Variants in TPH2 observed in about 807,000 individuals in gnomAD.
The protein encoded by TPH2 is tryptophan hydroxylase 2, also known as tryptophan 5-hydroxylase 2.
Under a neutral mutation model 59.1 loss-of-function variants are expected in TPH2, and 27 were observed. The ratio of observed to expected loss-of-function variants is 0.46; its 90% confidence interval spans 0.34 to 0.63. The LOEUF (loss-of-function observed/expected upper bound fraction) is 0.63, where lower values mean the gene tolerates loss of function less well. TPH2 is among the 30% of genes least tolerant of loss of function. The pLI, the probability that TPH2 is intolerant of heterozygous loss-of-function variation, is 0.01. For missense variants in TPH2, 523 were observed against 588.3 expected (o/e 0.89, Z 1.15); for synonymous variants, 220 against 210.5 (o/e 1.05, Z -0.39).
At chr12:72,021,666 A>G (rs4474484) in intron 8 of TPH2, among the ~76,000 whole-genome samples, 80,070 of 151,924 alleles carry the variant, frequency 0.53, 22,411 homozygotes, top group Non-Finnish European at 0.64. Context: ...TGTATTAAAC[A>G]CATTTTCAAC....
At chr12:71,984,295 T>A (rs1257719324) in intron 7 of TPH2, among the ~76,000 whole-genome samples, 3 of 152,142 alleles carry the variant, frequency 2.0e-5, no homozygotes, top group Non-Finnish European at 2.9e-5. Context: ...ATAAGAAAAA[T>A]AAAAGTGAAT....
chr12:72,019,826 A>C (rs879834623), intron 8 of TPH2, among the ~76,000 whole-genome samples: 2 of 152,142 alleles, frequency 1.3e-5, no homozygotes, highest in Non-Finnish European at 2.9e-5. Flanking sequence ...GAGTGGATGG[A>C]TGTCACAGAA....
intron 8 of TPH2, among the ~76,000 whole-genome samples, chr12:72,000,374 TCAGA>T (rs1451214512): frequency 3.3e-5 from 5 of 152,272 alleles, no homozygotes; most frequent in African/African-American, 9.6e-5. Flanking sequence ...AAATAGGAAG[TCAGA>T]CAAAGATTAT....
intron 9 of TPH2, among the ~76,000 whole-genome samples, chr12:72,024,579 C>T (rs1873518230): frequency 2.0e-5 from 3 of 152,192 alleles, no homozygotes. Context: ...TTTCCCTGAA[C>T]AAAAGAGTCA....
At chr12:71,949,932 C>T (rs1251787779) in intron 5 of TPH2, among the ~76,000 whole-genome samples, 1 of 152,000 alleles carries the variant, frequency 6.6e-6, no homozygotes, top group Non-Finnish European at 1.5e-5. Flanking sequence ...GTGCACTCTG[C>T]AGGCCTTAGA....
rs891055423 is a variant in TPH2, at chr12:71,964,466, A to G, written c.609-8053A>G. 32 of 970,432 alleles carry G rather than the reference A, an allele frequency of 3.3e-5. No individual in the cohort carries two copies. In the African/African-American group the frequency reaches 5.1e-4, roughly 16 times the overall value. The allele number at this position is 970,432 out of a possible 1,614,324, so 60.1% of individuals were successfully genotyped here. A position where few individuals can be genotyped will look rare whatever the true frequency, so the allele number is the denominator to read the frequency against. On this transcript the variant is annotated intron_variant, in intron 5 of 10. Coordinates refer to ENST00000333850, the MANE Select transcript of TPH2 (RefSeq NM_173353.4). ...CCCGGTTAATTTTAGTATTTTTAGT[A>G]TTTTTGTATTTTTAGTTGATGCAGA...
At chr12:71,961,479 T>G in intron 5 of TPH2, 1 of 1,302,648 alleles carries the variant, frequency 7.7e-7, no homozygotes. Context: ...CTGTGTTCTG[T>G]CTCTTTCAAA....
At chr12:71,994,325 T>C in intron 7 of TPH2, 114 bp from the exon 8 acceptor site, 2 of 1,129,340 alleles carry the variant, frequency 1.8e-6, no homozygotes, top group Non-Finnish European at 2.7e-6. Flanking sequence ...TGATGAACTG[T>C]AGTAACTAAT....
chr12:71,989,102 A>T (rs1334914961), intron 7 of TPH2, among the ~76,000 whole-genome samples: 11 of 8,846 alleles, frequency 1.2e-3, no homozygotes, highest in Admixed American at 4.5e-3. Flanking sequence ...GGCTTTATTA[A>T]AAAAAAAAAA....
chr12:71,993,564 T>C (rs1872627756), intron 7 of TPH2, among the ~76,000 whole-genome samples: 1 of 152,216 alleles, frequency 6.6e-6, no homozygotes, highest in South Asian at 2.1e-4. Context: ...CTCACTTTCC[T>C]GGCTCCAAAT....
At chr12:71,988,367 G>T (rs1376612913) in intron 7 of TPH2, among the ~76,000 whole-genome samples, 1 of 152,202 alleles carries the variant, frequency 6.6e-6, no homozygotes, top group African/African-American at 2.4e-5. Flanking sequence ...AAGAAAAGGG[G>T]TTTAATTGGC....
chr12:71,940,851 A>T (rs1448363592), intron 1 of TPH2, among the ~76,000 whole-genome samples: 1 of 152,184 alleles, frequency 6.6e-6, no homozygotes, highest in African/African-American at 2.4e-5. Context: ...TCAGTTTCTC[A>T]GATTTTTACT....
intron 4 of TPH2, among the ~76,000 whole-genome samples, chr12:71,945,058 G>A (rs1592859065): frequency 6.6e-6 from 1 of 152,128 alleles, no homozygotes; most frequent in Admixed American, 6.6e-5. Flanking sequence ...AGGTATTATG[G>A]GGCTCAGTGA....
At chr12:72,020,967 C>T (rs1873395948) in intron 8 of TPH2, among the ~76,000 whole-genome samples, 3 of 152,156 alleles carry the variant, frequency 2.0e-5, no homozygotes, top group South Asian at 2.1e-4. Flanking sequence ...CCTTCCTGAA[C>T]CAAGGGACAT....
At chr12:71,976,018 A>T (rs545154182) in intron 6 of TPH2, among the ~76,000 whole-genome samples, 1 of 152,336 alleles carries the variant, frequency 6.6e-6, no homozygotes, top group Admixed American at 6.5e-5. Context: ...TAATATTCTT[A>T]TGAGAGGCAG....
At chr12:71,980,878 A>G (rs1872255909) in intron 7 of TPH2, among the ~76,000 whole-genome samples, 1 of 152,214 alleles carries the variant, frequency 6.6e-6, no homozygotes. Flanking sequence ...TTTATGTGCA[A>G]TGCTAGCAGG....
chr12:71,938,981 G>A lies in TPH2; in HGVS notation c.-6G>A. ...GCTGCAGAGAAAGAATATTACACCG[G>A]GATCCATGCAGCCAGCAATGATGAT... is the stretch of plus-strand genomic sequence containing the variant. On this transcript the variant is annotated 5_prime_UTR_variant, in exon 1 of 11. Coordinates refer to ENST00000333850, the MANE Select transcript of TPH2 (RefSeq NM_173353.4). The A allele has an allele frequency of 6.2e-7, 1 of 1,612,050 alleles. No homozygotes were observed. Among genetic ancestry groups the A allele is most frequent in the Non-Finnish European group, 8.5e-7 (1 of 1,178,268 alleles).
At chr12:72,030,406 C>T (rs896021369) in intron 9 of TPH2, among the ~76,000 whole-genome samples, 6 of 152,086 alleles carry the variant, frequency 3.9e-5, no homozygotes, top group African/African-American at 1.4e-4. Flanking sequence ...TTAGAACCAT[C>T]AATCTAGGGT....
chr12:72,004,967 A>G (rs1381069420), intron 8 of TPH2, among the ~76,000 whole-genome samples: 1 of 152,220 alleles, frequency 6.6e-6, no homozygotes, highest in East Asian at 1.9e-4. Context: ...GAAACACGAC[A>G]TGAGATTGAA....
Sources: gnomAD v4.1 joint callset for allele counts (sites outside exome capture counted in the v4.1 genomes callset) on GRCh38, gnomAD v4.1.1 for gene constraint, MANE v1.5 for transcripts, NCBI Gene and HGNC (gene_info 2026-07-23, HGNC 2026-07-21) for gene names.